SEZ6L: variants seen among roughly 807,000 people sequenced by gnomAD.
SEZ6L encodes seizure 6-like protein.
In SEZ6L, 37 loss-of-function variants were observed where a neutral mutation model predicts 106.2. That is an observed-to-expected ratio of 0.35 (90% confidence interval 0.27 to 0.46). The LOEUF is 0.46. SEZ6L is among the 20% of genes least tolerant of loss of function. The pLI is 1.00. For synonymous variants in SEZ6L, 541 were observed against 570.4 expected (o/e 0.95, Z 0.73); for missense variants, 1,172 against 1,332.8 (o/e 0.88, Z 1.88).
chr22:26,378,816 G>A (rs2084317748), intron 16 of SEZ6L, among the ~76,000 whole-genome samples: 2 of 152,140 alleles, frequency 1.3e-5, no homozygotes, highest in Admixed American at 6.5e-5. Context: ...CAACGTTTGG[G>A]GGGAATAAAC....
At position 26,299,182 on chromosome 22, in the gene SEZ6L, C is replaced by T; in HGVS notation, c.1348+13C>T. 7.0e-7 allele frequency: 1 copy of T among 1,430,582 alleles called. No individual in the cohort carries two copies. Among genetic ancestry groups the T allele is most frequent in the Non-Finnish European group, 9.2e-7 (1 of 1,082,934 alleles). The allele number at this position is 1,430,582 out of a possible 1,614,324, so 88.6% of individuals were successfully genotyped here. A position where few individuals can be genotyped will look rare whatever the true frequency, so the allele number is the denominator to read the frequency against. The stretch of plus-strand genomic sequence containing the variant: ...CCCATCTGCTCAGGTATGCTCCAGC[C>T]TCAGCCGGACCAAACCTGATGGTCC... On this transcript the variant is annotated intron_variant, in intron 5 of 16. Transcript: ENST00000248933.
chr22:26,374,521 C>T (rs898540213), intron 14 of SEZ6L, among the ~76,000 whole-genome samples: 2 of 152,164 alleles, frequency 1.3e-5, no homozygotes, highest in African/African-American at 4.8e-5. Context: ...TTCAGAGTAT[C>T]CTTTTTCTGC....
intron 1 of SEZ6L, among the ~76,000 whole-genome samples, chr22:26,223,491 T>C (rs753923899): frequency 1.3e-5 from 2 of 152,174 alleles, no homozygotes; most frequent in Admixed American, 1.3e-4. Flanking sequence ...AAATTGTGGC[T>C]CCTCAGCCTC....
chr22:26,260,131 T>A (rs543463964), intron 1 of SEZ6L, among the ~76,000 whole-genome samples: 11 of 152,290 alleles, frequency 7.2e-5, no homozygotes, highest in Non-Finnish European at 1.6e-4. Context: ...AACATTTACT[T>A]TTTAAAATTT....
chr22:26,374,497 C>A (rs1012558199), intron 14 of SEZ6L, among the ~76,000 whole-genome samples: 2 of 152,142 alleles, frequency 1.3e-5, no homozygotes, highest in Non-Finnish European at 2.9e-5. Flanking sequence ...GAGGGCACTT[C>A]GTGTTAGTCT....
intron 4 of SEZ6L, 39 bp from the exon 5 acceptor site, chr22:26,298,945 C>G: frequency 6.6e-7 from 1 of 1,510,246 alleles, no homozygotes; most frequent in East Asian, 2.5e-5. Context: ...ATCTGCCACT[C>G]CAAGTGATGA....
intron 1 of SEZ6L, among the ~76,000 whole-genome samples, chr22:26,179,438 A>T (rs748326965): frequency 6.6e-6 from 1 of 152,160 alleles, no homozygotes; most frequent in African/African-American, 2.4e-5. Context: ...TCACCATGAG[A>T]GGTAGAAATG....
intron 1 of SEZ6L, among the ~76,000 whole-genome samples, chr22:26,255,337 A>C (rs1569423765): frequency 6.6e-6 from 1 of 152,156 alleles, no homozygotes; most frequent in Non-Finnish European, 1.5e-5. Flanking sequence ...GCCTAGAATA[A>C]ATCACCAAAG....
intron 1 of SEZ6L, among the ~76,000 whole-genome samples, chr22:26,259,260 G>T (rs2145813638): frequency 6.6e-6 from 1 of 152,274 alleles, no homozygotes; most frequent in East Asian, 1.9e-4. Flanking sequence ...CACCAAGAGA[G>T]GTAGGATAAT....
intron 13 of SEZ6L, among the ~76,000 whole-genome samples, chr22:26,365,914 G>A (rs1475680675): frequency 1.3e-5 from 2 of 151,942 alleles, no homozygotes; most frequent in African/African-American, 4.8e-5. Context: ...CTGAGCTGCT[G>A]TACTTCATTA....
chr22:26,210,636 C>T (rs558102126), intron 1 of SEZ6L, among the ~76,000 whole-genome samples: 4 of 152,090 alleles, frequency 2.6e-5, no homozygotes, highest in Non-Finnish European at 4.4e-5. Flanking sequence ...AGCCTGGCAG[C>T]CCCGTGCACA....
intron 8 of SEZ6L, among the ~76,000 whole-genome samples, chr22:26,312,539 C>T (rs2081871117): frequency 1.4e-5 from 2 of 142,858 alleles, no homozygotes; most frequent in Admixed American, 1.4e-4. Context: ...TGCTCTGAGC[C>T]CCACTGGACA....
chr22:26,227,369 A>C (rs531005688), intron 1 of SEZ6L, among the ~76,000 whole-genome samples: 1 of 152,292 alleles, frequency 6.6e-6, no homozygotes, highest in South Asian at 2.1e-4. Context: ...CTAGAAGCTC[A>C]GTTAATAGTA....
At chr22:26,359,670 T>G (rs576989548) in intron 12 of SEZ6L, among the ~76,000 whole-genome samples, 1 of 152,088 alleles carries the variant, frequency 6.6e-6, no homozygotes, top group East Asian at 1.9e-4. Context: ...CCAGGCATGA[T>G]GGTGCACGCC....
At chr22:26,292,302 C>G in intron 1 of SEZ6L, 104 bp from the exon 2 acceptor site, 1 of 847,214 alleles carries the variant, frequency 1.2e-6, no homozygotes, top group South Asian at 1.8e-5. Flanking sequence ...GCCAGCCGGA[C>G]GAGCTTTGGG....
At chr22:26,307,629 T>C (rs371099692) in intron 6 of SEZ6L, among the ~76,000 whole-genome samples, 1 of 152,208 alleles carries the variant, frequency 6.6e-6, no homozygotes, top group South Asian at 2.1e-4. Flanking sequence ...AACGTGGCTT[T>C]TTAGCAGCAC....
At chr22:26,326,915 C>A (rs1306692967) in intron 9 of SEZ6L, among the ~76,000 whole-genome samples, 1 of 152,210 alleles carries the variant, frequency 6.6e-6, no homozygotes, top group East Asian at 1.9e-4. Flanking sequence ...TGGGACAAGC[C>A]CTCCAGGTTT....
intron 12 of SEZ6L, among the ~76,000 whole-genome samples, chr22:26,353,373 A>G (rs1214526021): frequency 2.6e-5 from 4 of 152,254 alleles, no homozygotes; most frequent in Non-Finnish European, 5.9e-5. Context: ...ATATATGCAT[A>G]TACACATATA....
chr22:26,340,059 A>G (rs2082777379), intron 9 of SEZ6L, among the ~76,000 whole-genome samples: 1 of 151,930 alleles, frequency 6.6e-6, no homozygotes, highest in Non-Finnish European at 1.5e-5. Flanking sequence ...ACACGGTGAA[A>G]CCCCATCTCT....
Sources: allele counts gnomAD v4.1 joint callset (sites outside exome capture counted in the v4.1 genomes callset), GRCh38; gene constraint gnomAD v4.1.1; transcripts MANE v1.5; gene names NCBI Gene and HGNC (gene_info 2026-07-23, HGNC 2026-07-21).